The following PLCB1 variants were observed in gnomAD, a reference collection of about 807,000 sequenced individuals.
The protein encoded by PLCB1 is 1-phosphatidylinositol 4,5-bisphosphate phosphodiesterase beta-1.
Under a neutral mutation model 161.8 loss-of-function variants are expected in PLCB1, and 46 were observed. The ratio of observed to expected loss-of-function variants is 0.28; its 90% confidence interval spans 0.22 to 0.36. The LOEUF (loss-of-function observed/expected upper bound fraction) is 0.36, where lower values mean the gene tolerates loss of function less well. Among genes scored for constraint, PLCB1 ranks in the 10% least tolerant of loss-of-function variants. The pLI is 1.00. For synonymous variants in PLCB1, 517 were observed against 503.7 expected, an observed-to-expected ratio of 1.03 and a Z score of -0.35; for missense variants, 1,016 against 1,472.5, an observed-to-expected ratio of 0.69 and a Z score of 5.07.
chr20:8,499,118 T>C (rs935748972), intron 3 of PLCB1, among the ~76,000 whole-genome samples: 4 of 152,224 alleles, frequency 2.6e-5, no homozygotes, highest in Non-Finnish European at 5.9e-5. Context: ...CATGCCAAGA[T>C]GTATGTTTGT....
At chr20:8,613,168 T>C (rs1486384519) in intron 3 of PLCB1, among the ~76,000 whole-genome samples, 1 of 152,222 alleles carries the variant, frequency 6.6e-6, no homozygotes, top group East Asian at 1.9e-4. Context: ...AAGTGCCCAA[T>C]ACTGTCCAAT....
intron 2 of PLCB1, among the ~76,000 whole-genome samples, chr20:8,361,982 T>G (rs1449046766): frequency 6.6e-6 from 1 of 152,224 alleles, no homozygotes; most frequent in Non-Finnish European, 1.5e-5. Context: ...GTTAATCTGA[T>G]TAGTCTGAAA....
At chr20:8,760,378 G>A (rs369410529) in intron 24 of PLCB1, 29 bp from the exon 25 acceptor site, 165 of 1,424,160 alleles carry the variant, frequency 1.2e-4, no homozygotes, top group Middle Eastern at 3.5e-4. Context: ...AAGTTGAAGA[G>A]GCTATTTATT....
chr20:8,761,460 A>G (rs1311386163), intron 25 of PLCB1, among the ~76,000 whole-genome samples: 2 of 152,226 alleles, frequency 1.3e-5, no homozygotes, highest in Admixed American at 6.5e-5. Flanking sequence ...CAAGAAATGC[A>G]TAAAATATGC....
chr20:8,239,195 T>C (rs1223222570), intron 2 of PLCB1, among the ~76,000 whole-genome samples: 1 of 151,994 alleles, frequency 6.6e-6, no homozygotes, highest in Non-Finnish European at 1.5e-5. Flanking sequence ...GACAGGGAAC[T>C]AACGCCTTCC....
intron 31 of PLCB1, among the ~76,000 whole-genome samples, chr20:8,854,294 G>T (rs752255218): frequency 6.6e-6 from 1 of 152,108 alleles, no homozygotes; most frequent in Non-Finnish European, 1.5e-5. Flanking sequence ...CTAGAGCCTT[G>T]GTTATTAGGA....
chr20:8,689,767 A>G (rs1311838633), intron 10 of PLCB1, among the ~76,000 whole-genome samples: 2 of 151,566 alleles, frequency 1.3e-5, no homozygotes, highest in Non-Finnish European at 2.9e-5. Flanking sequence ...AGTCATTCAT[A>G]TGCCCTTCCT....
intron 17 of PLCB1, among the ~76,000 whole-genome samples, chr20:8,728,396 G>T (rs1164196720): frequency 2.6e-5 from 4 of 151,950 alleles, no homozygotes; most frequent in Non-Finnish European, 4.4e-5. Context: ...ACAACTACAA[G>T]ATTCTTAGGA....
intron 31 of PLCB1, among the ~76,000 whole-genome samples, chr20:8,828,702 C>A (rs943407751): frequency 2.6e-5 from 4 of 152,110 alleles, no homozygotes; most frequent in Non-Finnish European, 5.9e-5. Flanking sequence ...CTCTAGGGAG[C>A]CCTGCCAACC....
chr20:8,170,377 G>A (rs780378278), intron 2 of PLCB1, among the ~76,000 whole-genome samples: 1 of 152,010 alleles, frequency 6.6e-6, no homozygotes, highest in Non-Finnish European at 1.5e-5. Context: ...AAAGGGGGAA[G>A]CACTGAAAAA....
intron 2 of PLCB1, among the ~76,000 whole-genome samples, chr20:8,285,459 A>G (rs988331224): frequency 6.6e-6 from 1 of 152,012 alleles, no homozygotes; most frequent in South Asian, 2.1e-4. Flanking sequence ...TTCACATCCA[A>G]TTTTTAATTT....
intron 2 of PLCB1, among the ~76,000 whole-genome samples, chr20:8,218,609 G>C (rs1979253083): frequency 6.6e-6 from 1 of 151,542 alleles, no homozygotes; most frequent in African/African-American, 2.4e-5. Flanking sequence ...AAATGTCTTG[G>C]CACATAGTAA....
chr20:8,761,990 C>T (rs925234276), intron 25 of PLCB1, among the ~76,000 whole-genome samples: 1 of 143,328 alleles, frequency 7.0e-6, no homozygotes, highest in Admixed American at 7.1e-5. Flanking sequence ...GGGGGCGGAT[C>T]ACCTGAGGTC....
chr20:8,466,238 A>T (rs1245440389), intron 3 of PLCB1, among the ~76,000 whole-genome samples: 1 of 150,518 alleles, frequency 6.6e-6, no homozygotes, highest in Non-Finnish European at 1.5e-5. Context: ...AAAACCAAAC[A>T]CCACATATTC....
intron 3 of PLCB1, among the ~76,000 whole-genome samples, chr20:8,587,714 G>A (rs1987032560): frequency 1.3e-5 from 2 of 152,182 alleles, no homozygotes. Flanking sequence ...GGTTAATGCA[G>A]TACTAATGCA....
At chr20:8,761,978 G>GGGGT (rs1555788727) in intron 25 of PLCB1, among the ~76,000 whole-genome samples, 14 of 151,344 alleles carry the variant, frequency 9.3e-5, no homozygotes, top group Non-Finnish European at 1.5e-4. Context: ...GGAGGCCAAG[G>GGGGT]GGGGGGCGGA....
chr20:8,536,176 C>T (rs1238195622), intron 3 of PLCB1, among the ~76,000 whole-genome samples: 1 of 151,984 alleles, frequency 6.6e-6, no homozygotes, highest in Non-Finnish European at 1.5e-5. Flanking sequence ...AAACATTTTT[C>T]TCTTCTCTAG....
intron 31 of PLCB1, among the ~76,000 whole-genome samples, chr20:8,855,782 C>A (rs1987047176): frequency 6.6e-6 from 1 of 152,164 alleles, no homozygotes; most frequent in Admixed American, 6.5e-5. Flanking sequence ...AAATTCATGT[C>A]ATAAGAATAT....
rs147741536 is a variant in PLCB1, at chr20:8,676,697, A to G, written c.863-8235A>G. 7.1e-3 allele frequency among the ~76,000 whole-genome samples: 1,079 copies of G among 152,304 alleles called. 6 individuals are homozygous for G. Among genetic ancestry groups the G allele is most frequent in the Middle Eastern group, 0.037 (11 of 294 alleles). On this transcript the variant is annotated intron_variant, in intron 9 of 31. Transcript: ENST00000338037. ...CTGCAGTGATGCCTTACCAACTCTC[A>G]TACTTTTCAAGCACAGCAAACACAT...
Sources: gnomAD v4.1 joint callset for allele counts (sites outside exome capture counted in the v4.1 genomes callset) on GRCh38, gnomAD v4.1.1 for gene constraint, MANE v1.5 for transcripts, NCBI Gene and HGNC (gene_info 2026-07-23, HGNC 2026-07-21) for gene names.